The following GALNS variants were observed in gnomAD, a reference collection of about 807,000 sequenced individuals.
GALNS encodes the protein N-acetylgalactosamine-6-sulfatase.
GALNS carries 65 observed loss-of-function variants against 65.9 expected under a neutral mutation model. The observed-to-expected ratio is 0.99, with a 90% CI of 0.81 to 1.21. The LOEUF (loss-of-function observed/expected upper bound fraction) is 1.21, where lower values mean the gene tolerates loss of function less well. Among genes scored for constraint, GALNS ranks in the 50% most tolerant of loss-of-function variants. The probability of loss-of-function intolerance (pLI) is 0.00; values close to 1 mark genes in which losing one functional copy is unlikely to be tolerated. For synonymous variants in GALNS, 346 were observed against 288.9 expected, an observed-to-expected ratio of 1.20 and a Z score of -2.00; for missense variants, 776 against 700.7, an observed-to-expected ratio of 1.11 and a Z score of -1.21.
chr16:88,855,085 C>T, intron 1 of GALNS: 2 of 431,476 alleles, frequency 4.6e-6, no homozygotes, highest in South Asian at 3.5e-5. Context: ...ATGCAATTCC[C>T]TATTTACCGG....
chr16:88,826,205 C>T lies in GALNS; in HGVS notation c.1139+497G>A, dbSNP rs1409627981. ...GGAACAGGGGTGGGGCGGGCAGGGGCGGCGTGTGCCCAGGTACAGGCAGGC... is the reference window on the plus strand; with the variant it reads ...GGAACAGGGGTGGGGCGGGCAGGGGTGGCGTGTGCCCAGGTACAGGCAGGC... On this transcript the variant is annotated intron_variant, in intron 10 of 13. Coordinates refer to ENST00000268695, the MANE Select transcript of GALNS (RefSeq NM_000512.5). 2.5e-3 allele frequency among the ~76,000 whole-genome samples: 181 copies of T among 72,216 alleles called. 2 individuals carry two copies. The highest frequency in any genetic ancestry group is 9.2e-3 in the African/African-American group (166 of 17,960). 47.4% of individuals were successfully genotyped at this position (72,216 alleles called of 152,430 possible). A position where few individuals can be genotyped will look rare whatever the true frequency, so the allele number is the denominator to read the frequency against.
chr16:88,835,625 A>G (rs1160402058), intron 7 of GALNS, 100 bp downstream of exon 7: 17 of 1,570,366 alleles, frequency 1.1e-5, no homozygotes, highest in Non-Finnish European at 1.5e-5. Context: ...TGGCCTTTCC[A>G]TAATTGGCCT....
At chr16:88,855,067 G>A in intron 1 of GALNS, 1 of 406,792 alleles carries the variant, frequency 2.5e-6, no homozygotes, top group Non-Finnish European at 4.8e-6. Context: ...AACGTAGGGT[G>A]AGTCCACATG....
intron 12 of GALNS, among the ~76,000 whole-genome samples, chr16:88,819,105 T>TG (rs1431219125): frequency 2.0e-5 from 3 of 152,226 alleles, no homozygotes; most frequent in Non-Finnish European, 4.4e-5. Flanking sequence ...CTGTGAGAAC[T>TG]GGCTTTTTGC....
chr16:88,843,143 C>A (rs1381340927), intron 1 of GALNS: 15 of 1,424,368 alleles, frequency 1.1e-5, no homozygotes, highest in Non-Finnish European at 9.3e-7. Context: ...TCTGCCTCCT[C>A]CCAGCCTGAC....
chr16:88,834,541 C>T (rs1387306849), intron 8 of GALNS, among the ~76,000 whole-genome samples: 4 of 138,004 alleles, frequency 2.9e-5, no homozygotes, highest in African/African-American at 8.1e-5. Context: ...CTCCCCACCG[C>T]GTGGTCTGGG....
At chr16:88,842,041 G>T in intron 2 of GALNS, 70 bp from the exon 3 acceptor site, 2 of 1,357,902 alleles carry the variant, frequency 1.5e-6, no homozygotes, top group South Asian at 2.5e-5. Context: ...GTCAACAAGA[G>T]CCCCAACGAG....
rs546528874 is a variant in GALNS at position 88,814,267 on chromosome 16, A to C, written c.*172T>G. On this transcript the variant is annotated 3_prime_UTR_variant, in exon 14 of 14. Coordinates refer to ENST00000268695, the MANE Select transcript of GALNS (RefSeq NM_000512.5). ...GTGGGCGAGGAGGAGGGCCAAGCACACGCCAGGGTCAGGTCCTGGGCAGGT... is the reference window on the plus strand; with the variant it reads ...GTGGGCGAGGAGGAGGGCCAAGCACCCGCCAGGGTCAGGTCCTGGGCAGGT... 16 of 885,710 alleles carry C rather than the reference A, an allele frequency of 1.8e-5. No individual in the cohort carries two copies. In the African/African-American group the frequency reaches 2.0e-4, roughly 11 times the overall value. The allele number at this position is 885,710 out of a possible 1,614,324, so 54.9% of individuals were successfully genotyped here. A position where few individuals can be genotyped will look rare whatever the true frequency, so the allele number is the denominator to read the frequency against.
intron 9 of GALNS, among the ~76,000 whole-genome samples, chr16:88,830,645 A>C (rs1911405513): frequency 6.6e-6 from 1 of 152,232 alleles, no homozygotes; most frequent in Non-Finnish European, 1.5e-5. Flanking sequence ...TGCCTGTTAC[A>C]GAAGACCACA....
chr16:88,846,865 C>A (rs561761925), intron 1 of GALNS, among the ~76,000 whole-genome samples: 1 of 151,984 alleles, frequency 6.6e-6, no homozygotes, highest in Non-Finnish European at 1.5e-5. Context: ...TTTAAGCTCC[C>A]GACCCCCGTG....
At chr16:88,826,195 C>T (rs1470755309) in intron 10 of GALNS, among the ~76,000 whole-genome samples, 25 of 14,894 alleles carry the variant, frequency 1.7e-3, no homozygotes, top group South Asian at 0.016. Flanking sequence ...AGGGGTGGGG[C>T]GGGCAGGGGC....
chr16:88,849,946 G>A (rs1233683478), intron 1 of GALNS, among the ~76,000 whole-genome samples: 1 of 152,252 alleles, frequency 6.6e-6, no homozygotes, highest in African/African-American at 2.4e-5. Context: ...ATGTCAGGGT[G>A]AGGTGCATCC....
At chr16:88,815,395 A>G in intron 13 of GALNS, 1 of 985,398 alleles carries the variant, frequency 1.0e-6, no homozygotes, top group African/African-American at 1.7e-5. Context: ...TCCCAGGGAG[A>G]AGCCAGTCCC....
chr16:88,841,526 T>C (rs1003519360), intron 3 of GALNS, among the ~76,000 whole-genome samples: 1 of 152,052 alleles, frequency 6.6e-6, no homozygotes, highest in Non-Finnish European at 1.5e-5. Flanking sequence ...GAGATGCCCC[T>C]GGGGAGCCCA....
intron 1 of GALNS, chr16:88,855,666 G>C: frequency 1.7e-6 from 1 of 598,934 alleles, no homozygotes; most frequent in Non-Finnish European, 3.0e-6. Flanking sequence ...TAATAAAATT[G>C]TTAAGTGAGA....
chr16:88,823,300 C>T (rs2142992769), intron 11 of GALNS, among the ~76,000 whole-genome samples: 1 of 152,358 alleles, frequency 6.6e-6, no homozygotes, highest in Non-Finnish European at 1.5e-5. Flanking sequence ...AAAACAGACC[C>T]AGGGAGCTGA....
chr16:88,824,244 A>C (rs952808573), intron 11 of GALNS, among the ~76,000 whole-genome samples: 4 of 152,102 alleles, frequency 2.6e-5, no homozygotes, highest in African/African-American at 9.7e-5. Flanking sequence ...GGGAGGGAGC[A>C]GGAGGCTTGA....
In GALNS at chr16:88,856,766, T is replaced by A. The variant is rs1306083557; in HGVS notation, c.112A>T (p.Met38Leu). Residue 38 changes from methionine (M) to leucine (L), a missense_variant, in exon 1 of 14, where the codon ATG (methionine) becomes TTG (leucine). Transcript: ENST00000268695. ...CCACCGCCCGCACTCACGTCGTCCATGAGCAGGAGCAGGATGTTGGGGGGC... is the reference window on the plus strand; with the variant it reads ...CCACCGCCCGCACTCACGTCGTCCAAGAGCAGGAGCAGGATGTTGGGGGGC... ...PQPPNILLLL[M>L]DDMGWGDLGV... is the part of the protein sequence containing the mutation. 1.4e-6 allele frequency: 2 copies of A among 1,467,026 alleles called. No individual in the cohort carries two copies. The highest frequency in any genetic ancestry group is 2.0e-5 in the Admixed American group (1 of 51,198). The allele number at this position is 1,467,026 out of a possible 1,614,324, so 90.9% of individuals were successfully genotyped here.
At position 88,820,827 on chromosome 16, in the gene GALNS, T is replaced by C. The variant is rs567899591; in HGVS notation, c.1364+1762A>G. On this transcript the variant is annotated intron_variant, in intron 12 of 13. Coordinates refer to ENST00000268695, the MANE Select transcript of GALNS (RefSeq NM_000512.5). ...CCAGGCTTTAACCTCGGGTGGTCCC[T>C]GGAGCGACCAGCCTGTGGGGGGTGT... 1.4e-4 allele frequency among the ~76,000 whole-genome samples: 22 copies of C among 152,334 alleles called. 1 individual carries two copies. The South Asian group carries it at 4.6e-3, about 32-fold the overall frequency.
Sources: allele counts gnomAD v4.1 joint callset (sites outside exome capture counted in the v4.1 genomes callset), GRCh38; gene constraint gnomAD v4.1.1; transcripts MANE v1.5; gene names NCBI Gene and HGNC (gene_info 2026-07-23, HGNC 2026-07-21).